The following COPB2 variants were observed in gnomAD, a reference collection of about 807,000 sequenced individuals.
The protein encoded by COPB2 is coat protein complex I subunit beta 2, also known as coatomer subunit beta'.
In COPB2, 16 loss-of-function variants were observed where a neutral mutation model predicts 120.8. The ratio of observed to expected loss-of-function variants is 0.13; its 90% confidence interval spans 0.09 to 0.20. The LOEUF (loss-of-function observed/expected upper bound fraction) is 0.20, where lower values mean the gene tolerates loss of function less well. Among genes scored for constraint, COPB2 ranks in the 10% least tolerant of loss-of-function variants. The pLI is 1.00. For synonymous variants in COPB2, 332 were observed against 366.3 expected (o/e 0.91, Z 1.07); for missense variants, 794 against 1,076.5 (o/e 0.74, Z 3.67).
chr3:139,383,254 T>C (rs2107810259), intron 2 of COPB2, 44 bp downstream of exon 2: 1 of 1,596,538 alleles, frequency 6.3e-7, no homozygotes, highest in East Asian at 2.2e-5. Context: ...AAACACAGTC[T>C]CACATAGTAT....
chr3:139,358,710 C>A, intron 20 of COPB2, 34 bp downstream of exon 20: 1 of 1,485,230 alleles, frequency 6.7e-7, no homozygotes, highest in African/African-American at 1.4e-5. Context: ...TGAACCATCT[C>A]AGCCAAATTT....
Position 139,358,288 on chromosome 3 carries a change from A to G in COPB2, c.2554-17T>C. The G allele has an allele frequency of 6.2e-7, 1 of 1,604,188 alleles. No homozygotes were observed. The highest frequency in any genetic ancestry group is 1.1e-5 in the South Asian group (1 of 90,908). On this transcript the variant is annotated splice_polypyrimidine_tract_variant and intron_variant, in intron 20 of 21. Transcript: ENST00000333188. ...ATCAAGTTCCTGAAACCACAAGTGA[A>G]GATATATATGAAGACAAGGGAATTT...
At chr3:139,364,385 C>G (rs184242224) in intron 15 of COPB2, among the ~76,000 whole-genome samples, 2 of 152,140 alleles carry the variant, frequency 1.3e-5, no homozygotes, top group East Asian at 3.9e-4. Flanking sequence ...TAAAGAGTCT[C>G]CAGACCAGGA....
chr3:139,375,635 G>T, intron 5 of COPB2, 21 bp from the exon 6 acceptor site: 6 of 1,611,330 alleles, frequency 3.7e-6, no homozygotes, highest in Non-Finnish European at 5.1e-6. Flanking sequence ...AAACAGCATC[G>T]GCCAGTCAAT....
At chr3:139,360,519 A>C (rs1357779319) in intron 17 of COPB2, among the ~76,000 whole-genome samples, 2 of 147,502 alleles carry the variant, frequency 1.4e-5, no homozygotes, top group Non-Finnish European at 3.0e-5. Context: ...TTCCATCTCA[A>C]AAAAAAAAAA....
chr3:139,358,352 T>C, intron 20 of COPB2, 81 bp from the exon 21 acceptor site: 4 of 1,264,120 alleles, frequency 3.2e-6, no homozygotes, highest in Middle Eastern at 2.1e-4. Context: ...AAAAGGATGA[T>C]CAGAATTAGG....
chr3:139,358,638 G>A (rs1419066297), intron 20 of COPB2, 106 bp downstream of exon 20: 5 of 775,918 alleles, frequency 6.4e-6, no homozygotes, highest in African/African-American at 1.7e-5. Flanking sequence ...CCTAGATCGC[G>A]CCACTGCACT....
chr3:139,375,903 A>G (rs935473460), intron 5 of COPB2, among the ~76,000 whole-genome samples: 1 of 152,134 alleles, frequency 6.6e-6, no homozygotes, highest in Non-Finnish European at 1.5e-5. Context: ...ATGTTATGAA[A>G]TTATTTTATT....
chr3:139,379,876 T>A (rs546171802), intron 2 of COPB2: 1 of 177,620 alleles, frequency 5.6e-6, no homozygotes, highest in South Asian at 1.3e-4. Flanking sequence ...TCTTTCCTGC[T>A]AAGCTCTCCA....
At chr3:139,367,793 T>C (rs558384466) in intron 13 of COPB2, among the ~76,000 whole-genome samples, 1 of 152,316 alleles carries the variant, frequency 6.6e-6, no homozygotes, top group East Asian at 1.9e-4. Flanking sequence ...ATATTAAGTA[T>C]TTCACAAAAT....
rs149171059 is a variant in COPB2 at position 139,375,558 on chromosome 3, G to A, written c.561C>T (p.Gly187=). The change falls in exon 6 of 22, where the codon GGC becomes GGT. Residue 187 remains glycine, a synonymous_variant. Transcript: ENST00000333188. ...CACTGTAGTAATCAATGCAATTCAC[G>A]CCTTTCTCATGTCCTTCCAAAGTGA... ...PNFTLEGHEK[G]VNCIDYYSGG... 3.3e-5 allele frequency: 53 copies of A among 1,613,886 alleles called. No individual in the cohort carries two copies. The African/African-American group carries it at 3.3e-4, about 10-fold the overall frequency.
rs1299645567 is a variant in COPB2 at position 139,374,553 on chromosome 3, G to C, written c.687C>G (p.Ala229=). ...GAAAGCTGGCACAAGACACATTTTG[G>C]GCATGTCCTTCCAGTGTCTGCACAC... ...KTCVQTLEGH[A]QNVSCASFHP... The change falls in exon 7 of 22, where the codon GCC becomes GCG. Residue 229 remains alanine (A), a synonymous_variant. Transcript: ENST00000333188. 6.2e-7 allele frequency: 1 copy of C among 1,613,758 alleles called. No homozygotes were observed. The highest frequency in any genetic ancestry group is 2.2e-5 in the East Asian group (1 of 44,860).
intron 2 of COPB2, 181 bp from the exon 3 acceptor site, chr3:139,379,647 C>A (rs554862681): frequency 1.8e-6 from 1 of 552,532 alleles, no homozygotes; most frequent in Non-Finnish European, 3.2e-6. Context: ...TTAATAGATT[C>A]GAAATTAAAA....
Position 139,379,083 on chromosome 3 carries a change from C to G in COPB2, c.319G>C (p.Val107Leu), listed in dbSNP as rs759267155. ...AHSDYIRCIA[V>L]HPTQPFILTS... ...AGAATGAAAGGCTGGGTTGGATGAA[C>G]AGCAATACAGCGAATGTAGTCTGAG... Residue 107 changes from valine to leucine, a missense_variant, in exon 4 of 22, where the codon GTT becomes CTT. Physicochemically the swap from Val to Leu is conservative, Grantham distance 32. Transcript: ENST00000333188. 5 of 1,609,310 alleles carry G rather than the reference C, an allele frequency of 3.1e-6. No homozygotes were observed. The African/African-American group carries it at 6.7e-5, about 22-fold the overall frequency.
At chr3:139,374,452 T>C (rs1255657709) in intron 7 of COPB2, 37 bp downstream of exon 7, 4 of 1,535,250 alleles carry the variant, frequency 2.6e-6, no homozygotes, top group Non-Finnish European at 3.6e-6. Flanking sequence ...CACTGAGTAG[T>C]TACTAGCACA....
At chr3:139,367,627 T>G (rs757021858) in intron 13 of COPB2, among the ~76,000 whole-genome samples, 5 of 151,798 alleles carry the variant, frequency 3.3e-5, no homozygotes, top group African/African-American at 9.7e-5. Flanking sequence ...TCCTACTCAA[T>G]ATAACCCTTA....
intron 13 of COPB2, 22 bp downstream of exon 13, chr3:139,368,123 A>G (rs1405611648): frequency 1.3e-6 from 2 of 1,598,368 alleles, no homozygotes; most frequent in South Asian, 1.1e-5. Flanking sequence ...GCTGAAAGCG[A>G]AAGTTGTGCT....
At position 139,366,744 on chromosome 3, in the gene COPB2, C is replaced by T; in HGVS notation, c.1708G>A (p.Asp570Asn). Residue 570 changes from aspartate to asparagine, a missense_variant, in exon 15 of 22, where the codon GAC becomes AAC. Physicochemically the swap from Asp to Asn is conservative, Grantham distance 23. This residue lies in a region of COPB2 where 610 missense variants were observed against 866.7 expected (regional missense o/e 0.70). Transcript: ENST00000333188. Reference protein sequence around the residue: ...TMYLLGYIPKDNRLYLGDKEL... With the variant: ...TMYLLGYIPKNNRLYLGDKEL... ...TTATCCCCCAGATAAAGCCTGTTGT[C>T]TTTAGGAATGTAGCCTAGGAGATAC... The T allele has an allele frequency of 6.2e-7, 1 of 1,613,960 alleles. No individual in the cohort carries two copies. Among genetic ancestry groups the T allele is most frequent in the Non-Finnish European group, 8.5e-7 (1 of 1,179,920 alleles).
chr3:139,378,165 TC>T lies in COPB2; in HGVS notation c.379del (p.Asp127ThrfsTer23). 1 of 1,577,816 alleles carries T rather than the reference TC, an allele frequency of 6.3e-7. No individual in the cohort carries two copies. Among genetic ancestry groups the T allele is most frequent in the Non-Finnish European group, 8.7e-7 (1 of 1,153,456 alleles). ...TGAGCAAGACCATTTTTTATCCCAG[TC>T]CCAGAGCTTAATAAGCATGTCATCT... ...SSDDMLIKLW[D>X]WDKKWSCSQV... On this transcript the variant is annotated frameshift_variant, in exon 5 of 22. Coordinates refer to ENST00000333188, the MANE Select transcript of COPB2 (RefSeq NM_004766.3). LOFTEE classifies it high-confidence loss of function.
Sources: allele counts gnomAD v4.1 joint callset (sites outside exome capture counted in the v4.1 genomes callset), GRCh38; gene constraint gnomAD v4.1.1; regional missense constraint gnomAD v4.1.1; transcripts MANE v1.5; gene names NCBI Gene and HGNC (gene_info 2026-07-23, HGNC 2026-07-21).